The following PCDH15 variants were observed in gnomAD, a reference collection of about 807,000 sequenced individuals.
PCDH15 encodes the protein protocadherin related 15.
PCDH15 carries 129 observed loss-of-function variants against 178.5 expected under a neutral mutation model. That is an observed-to-expected ratio of 0.72 (90% CI 0.63 to 0.84). The LOEUF (loss-of-function observed/expected upper bound fraction) is 0.84. PCDH15 is among the 40% of genes least tolerant of loss of function. PCDH15 has a pLI of 0.00. For synonymous variants in PCDH15, 800 were observed against 732.0 expected (o/e 1.09, Z -1.50); for missense variants, 2,230 against 2,099.9 (o/e 1.06, Z -1.21).
chr10:54,429,630 G>A (rs565405954), intron 3 of PCDH15, among the ~76,000 whole-genome samples: 21 of 152,134 alleles, frequency 1.4e-4, no homozygotes, highest in Non-Finnish European at 2.9e-4. Context: ...GAAAGTAAAG[G>A]CACGGAAAAA....
rs907555077 is a variant in PCDH15 at position 53,820,171 on chromosome 10, A to T, written c.4427T>A (p.Leu1476Gln). 1 of 397,812 alleles carries T rather than the reference A, an allele frequency of 2.5e-6. No homozygotes were observed. Among genetic ancestry groups the T allele is most frequent in the Admixed American group, 4.4e-5 (1 of 22,684 alleles). 24.6% of individuals were successfully genotyped at this position (397,812 alleles called of 1,614,324 possible). A position where few individuals can be genotyped will look rare whatever the true frequency, so the allele number is the denominator to read the frequency against. ...CTTACACAATTGTGAATACCTTGTC[A>T]GAGTCCGCCAAATAGCACAAGTTCT... ...CMRTCAIWRT[L>Q]TRRGYGSEQQ... is the part of the protein sequence containing the mutation. Residue 1476 changes from leucine to glutamine, a missense_variant, in exon 33 of 38, where the codon CTG becomes CAG. Coordinates refer to ENST00000644397, the MANE Select transcript of PCDH15 (RefSeq NM_001384140.1).
intron 15 of PCDH15, among the ~76,000 whole-genome samples, chr10:54,120,626 GATTACT>G (rs944823502): frequency 1.3e-5 from 2 of 151,888 alleles, no homozygotes; most frequent in Non-Finnish European, 2.9e-5. Context: ...AAAGAACAGG[GATTACT>G]ATTCTCATAT....
At chr10:53,986,471 G>T (rs1458604370) in intron 21 of PCDH15, among the ~76,000 whole-genome samples, 1 of 152,104 alleles carries the variant, frequency 6.6e-6, no homozygotes, top group Non-Finnish European at 1.5e-5. Flanking sequence ...CCACTTTTGG[G>T]AATTTATTCA....
intron 10 of PCDH15, among the ~76,000 whole-genome samples, chr10:54,207,462 T>C (rs887627013): frequency 2.8e-4 from 42 of 152,104 alleles, no homozygotes; most frequent in African/African-American, 9.6e-4. Context: ...TTCGGCAATA[T>C]TTTTGCTTTG....
chr10:55,468,142 A>G (rs1445808234), intron 2 of PCDH15, among the ~76,000 whole-genome samples: 1 of 152,074 alleles, frequency 6.6e-6, no homozygotes, highest in Non-Finnish European at 1.5e-5. Flanking sequence ...GCAGGGGGGA[A>G]AAGTTAGTGA....
intron 1 of PCDH15, among the ~76,000 whole-genome samples, chr10:55,263,805 G>A (rs1030848337): frequency 3.9e-5 from 6 of 152,028 alleles, no homozygotes; most frequent in Non-Finnish European, 7.4e-5. Context: ...TGCGATCTCG[G>A]CTCACTGCAA....
intron 2 of PCDH15, among the ~76,000 whole-genome samples, chr10:55,519,055 C>G (rs1485138198): frequency 1.4e-5 from 2 of 145,000 alleles, no homozygotes; most frequent in Non-Finnish European, 3.0e-5. Context: ...GATTGCACCA[C>G]TGCACTCCAG....
intron 2 of PCDH15, among the ~76,000 whole-genome samples, chr10:55,467,655 C>A (rs950030864): frequency 1.2e-4 from 18 of 151,822 alleles, no homozygotes; most frequent in African/African-American, 4.1e-4. Flanking sequence ...AGAAAAAGAG[C>A]AACAAGTTTG....
At chr10:55,077,845 C>T (rs1318468690) in intron 2 of PCDH15, among the ~76,000 whole-genome samples, 1 of 152,110 alleles carries the variant, frequency 6.6e-6, no homozygotes, top group Non-Finnish European at 1.5e-5. Flanking sequence ...CCGTGCCCGG[C>T]CAGTGGTTTT....
chr10:55,624,191 C>A (rs1444187684), intron 2 of PCDH15, among the ~76,000 whole-genome samples: 2 of 152,016 alleles, frequency 1.3e-5, no homozygotes, highest in East Asian at 3.9e-4. Context: ...AAACAAACTT[C>A]TCTTAGGTTA....
chr10:54,982,166 A>G (rs535221342), intron 2 of PCDH15, among the ~76,000 whole-genome samples: 1 of 152,272 alleles, frequency 6.6e-6, no homozygotes, highest in South Asian at 2.1e-4. Context: ...TGCATAGGGT[A>G]TCTTTCAATA....
chr10:54,787,930 C>G (rs941258970), intron 1 of PCDH15, among the ~76,000 whole-genome samples: 1 of 151,700 alleles, frequency 6.6e-6, no homozygotes, highest in Admixed American at 6.6e-5. Flanking sequence ...TCCGAGAGAG[C>G]GTGAATAAAC....
intron 23 of PCDH15, among the ~76,000 whole-genome samples, chr10:53,941,488 T>C (rs1362872539): frequency 6.6e-6 from 1 of 152,228 alleles, no homozygotes; most frequent in Non-Finnish European, 1.5e-5. Context: ...TCAACATCTA[T>C]GGCTTGATTG....
At chr10:54,927,951 G>T (rs536155565) in intron 2 of PCDH15, among the ~76,000 whole-genome samples, 1 of 152,052 alleles carries the variant, frequency 6.6e-6, no homozygotes, top group South Asian at 2.1e-4. Context: ...GGTTAATATT[G>T]TTACGTGTCG....
intron 2 of PCDH15, among the ~76,000 whole-genome samples, chr10:54,997,975 A>T (rs1176099200): frequency 6.6e-6 from 1 of 152,148 alleles, no homozygotes; most frequent in East Asian, 1.9e-4. Context: ...CATCTATAAA[A>T]TCCAATAATT....
chr10:54,016,346 A>G (rs985655449), intron 20 of PCDH15, among the ~76,000 whole-genome samples: 1 of 152,068 alleles, frequency 6.6e-6, no homozygotes, highest in African/African-American at 2.4e-5. Flanking sequence ...AAGCAAAATG[A>G]CCATTTGACC....
intron 2 of PCDH15, among the ~76,000 whole-genome samples, chr10:55,105,398 C>A (rs1347331926): frequency 6.6e-6 from 1 of 152,094 alleles, no homozygotes; most frequent in Non-Finnish European, 1.5e-5. Context: ...CAAAGATCAA[C>A]TATACTGTAT....
intron 15 of PCDH15, among the ~76,000 whole-genome samples, 200 bp downstream of exon 15, chr10:54,132,675 G>T (rs1018537496): frequency 2.6e-5 from 4 of 152,128 alleles, no homozygotes; most frequent in Non-Finnish European, 1.5e-5. Flanking sequence ...CAATTGTGGC[G>T]ATCAATAGAA....
At chr10:54,023,858 T>C (rs1474131360) in intron 18 of PCDH15, among the ~76,000 whole-genome samples, 2 of 151,630 alleles carry the variant, frequency 1.3e-5, no homozygotes, top group African/African-American at 4.8e-5. Flanking sequence ...AATATCTCAG[T>C]GTCCCAGTTC....
Sources: gnomAD v4.1 joint callset for allele counts (sites outside exome capture counted in the v4.1 genomes callset) on GRCh38, gnomAD v4.1.1 for gene constraint, MANE v1.5 for transcripts, NCBI Gene and HGNC (gene_info 2026-07-23, HGNC 2026-07-21) for gene names.